The following MINDY4B variants were observed in gnomAD, a reference collection of about 807,000 sequenced individuals.
MINDY4B encodes the protein MINDY family member 4B, also known as inactive ubiquitin carboxyl-terminal hydrolase MINDY-4B.
A neutral mutation model predicts 16.7 loss-of-function variants in MINDY4B; 25 were observed. That is an observed-to-expected ratio of 1.49 (90% CI 1.09 to 2.09). The LOEUF (loss-of-function observed/expected upper bound fraction) is 2.09, where lower values mean the gene tolerates loss of function less well. Among genes scored for constraint, MINDY4B ranks in the 30% most tolerant of loss-of-function variants. MINDY4B has a pLI of 0.00. For missense variants in MINDY4B, 327 were observed against 168.4 expected, an observed-to-expected ratio of 1.94 and a Z score of -5.21; for synonymous variants, 132 against 61.9, an observed-to-expected ratio of 2.13 and a Z score of -5.32.
At chr3:150,871,717 G>A (rs901338531) in intron 11 of MINDY4B, among the ~76,000 whole-genome samples, 3 of 152,138 alleles carry the variant, frequency 2.0e-5, no homozygotes, top group African/African-American at 7.2e-5. Flanking sequence ...GTGTGTGGTG[G>A]CGCGCGCCTG....
intron 11 of MINDY4B, 21 bp downstream of exon 11, chr3:150,873,166 C>T (rs767457393): frequency 1.0e-5 from 7 of 697,974 alleles, no homozygotes; most frequent in African/African-American, 1.8e-5. Context: ...ATCCACAACA[C>T]CTGGAGTCTG....
intron 3 of MINDY4B, among the ~76,000 whole-genome samples, chr3:150,900,758 T>C (rs749343619): frequency 1.3e-5 from 2 of 152,218 alleles, no homozygotes; most frequent in Non-Finnish European, 2.9e-5. Flanking sequence ...CTTGGCATAG[T>C]CATGGGGCGG....
chr3:150,887,791 T>C (rs1368159013), intron 7 of MINDY4B, among the ~76,000 whole-genome samples: 2 of 152,164 alleles, frequency 1.3e-5, no homozygotes, highest in Non-Finnish European at 2.9e-5. Flanking sequence ...TTTGGGAAGC[T>C]AGAAGTCTGA....
chr3:150,888,125 G>A (rs1364891232), intron 7 of MINDY4B, among the ~76,000 whole-genome samples: 1 of 151,984 alleles, frequency 6.6e-6, no homozygotes, highest in Non-Finnish European at 1.5e-5. Context: ...AAAGAGTAGG[G>A]CCATGCTCTC....
intron 3 of MINDY4B, among the ~76,000 whole-genome samples, chr3:150,896,012 T>C (rs1711951366): frequency 6.6e-6 from 1 of 152,148 alleles, no homozygotes; most frequent in African/African-American, 2.4e-5. Flanking sequence ...TGATTATTCT[T>C]AGGCTTGGTC....
intron 10 of MINDY4B, among the ~76,000 whole-genome samples, chr3:150,880,832 T>A (rs1207166022): frequency 6.6e-6 from 1 of 152,206 alleles, no homozygotes; most frequent in Non-Finnish European, 1.5e-5. Flanking sequence ...TGGGTTCTTA[T>A]AGCTATAGAA....
At chr3:150,892,347 T>C (rs1411806210) in intron 5 of MINDY4B, among the ~76,000 whole-genome samples, 1 of 152,248 alleles carries the variant, frequency 6.6e-6, no homozygotes, top group Non-Finnish European at 1.5e-5. Context: ...CACTCCCTTA[T>C]GGTTTTCTCC....
chr3:150,871,289 T>A, intron 11 of MINDY4B, 102 bp from the exon 12 acceptor site: 1 of 633,338 alleles, frequency 1.6e-6, no homozygotes, highest in Non-Finnish European at 2.8e-6. Flanking sequence ...GAGTCAGGCT[T>A]GGAAAATTGT....
rs536287089 is a variant in MINDY4B at position 150,892,760 on chromosome 3, C to T, written c.521+564G>A. Among the ~76,000 whole-genome samples the T allele has an allele frequency of 3.2e-3, 464 of 146,718 alleles. 1 individual carries two copies. The highest frequency in any genetic ancestry group is 0.011 in the African/African-American group (443 of 39,430). The stretch of plus-strand genomic sequence containing the variant: ...AGGAGTTCGAGACCAGCCTGGCCAA[C>T]ATGGTGAAACCCTAGCTCTACTAAA... On this transcript the variant is annotated intron_variant, in intron 5 of 11. Transcript: ENST00000465419.
chr3:150,874,168 A>G (rs1717037234), intron 10 of MINDY4B, among the ~76,000 whole-genome samples: 2 of 152,014 alleles, frequency 1.3e-5, no homozygotes, highest in African/African-American at 4.8e-5. Flanking sequence ...GGTGGACACC[A>G]TCATGCCCGA....
intron 3 of MINDY4B, among the ~76,000 whole-genome samples, chr3:150,899,809 C>T (rs569228209): frequency 1.3e-5 from 2 of 152,310 alleles, no homozygotes; most frequent in Admixed American, 1.3e-4. Context: ...CATTAACTCA[C>T]ACCTGTCGAG....
chr3:150,904,912 G>A (rs531306037), intron 2 of MINDY4B, 150 bp downstream of exon 2: 6 of 395,752 alleles, frequency 1.5e-5, no homozygotes, highest in East Asian at 7.1e-5. Flanking sequence ...AAAAATCTTC[G>A]ACAGGCTTTC....
At chr3:150,898,192 T>C (rs16863001) in intron 3 of MINDY4B, among the ~76,000 whole-genome samples, 51,481 of 152,104 alleles carry the variant, frequency 0.34, 10,164 homozygotes, top group African/African-American at 0.53. Flanking sequence ...AGCCTGTCTA[T>C]GCAGGAACAT....
chr3:150,882,564 GTATATATATATATA>G (rs59302082), intron 10 of MINDY4B, among the ~76,000 whole-genome samples: 3,223 of 147,742 alleles, frequency 0.022, 120 homozygotes, highest in African/African-American at 0.076. Flanking sequence ...GTGTATGTGT[GTATATATATATATA>G]TATATATATA....
At chr3:150,871,749 G>A (rs982160071) in intron 11 of MINDY4B, among the ~76,000 whole-genome samples, 8 of 152,174 alleles carry the variant, frequency 5.3e-5, no homozygotes, top group African/African-American at 1.9e-4. Flanking sequence ...GGAGGCTGAA[G>A]CACAAGAATC....
At chr3:150,874,257 C>T (rs1717039305) in intron 10 of MINDY4B, among the ~76,000 whole-genome samples, 1 of 152,146 alleles carries the variant, frequency 6.6e-6, no homozygotes, top group Admixed American at 6.5e-5. Flanking sequence ...CACAAGCAAT[C>T]TACCTGCCTT....
At chr3:150,880,290 A>G (rs1184431948) in intron 10 of MINDY4B, among the ~76,000 whole-genome samples, 2 of 149,054 alleles carry the variant, frequency 1.3e-5, no homozygotes, top group Non-Finnish European at 3.0e-5. Flanking sequence ...CCTCACCTTT[A>G]TGCCAGGTTC....
At chr3:150,902,282 A>G (rs1031271821) in intron 3 of MINDY4B, among the ~76,000 whole-genome samples, 1 of 152,206 alleles carries the variant, frequency 6.6e-6, no homozygotes, top group Non-Finnish European at 1.5e-5. Flanking sequence ...GCATGTCCTC[A>G]GGAAGAAGGT....
intron 11 of MINDY4B, among the ~76,000 whole-genome samples, chr3:150,871,498 C>G (rs1716971000): frequency 6.6e-6 from 1 of 151,904 alleles, no homozygotes; most frequent in Non-Finnish European, 1.5e-5. Flanking sequence ...ATACACCTTC[C>G]CGTACCATGA....
Sources: gnomAD v4.1 joint callset for allele counts (sites outside exome capture counted in the v4.1 genomes callset) on GRCh38, gnomAD v4.1.1 for gene constraint, MANE v1.5 for transcripts, NCBI Gene and HGNC (gene_info 2026-07-23, HGNC 2026-07-21) for gene names.